The following ATRNL1 variants were observed in gnomAD, a reference collection of about 807,000 sequenced individuals.
ATRNL1 encodes attractin-like protein 1.
ATRNL1 carries 95 observed loss-of-function variants against 182.7 expected under a neutral mutation model. That is an observed-to-expected ratio of 0.52 (90% confidence interval 0.44 to 0.62). The LOEUF (loss-of-function observed/expected upper bound fraction) is 0.62, where lower values mean the gene tolerates loss of function less well. Ranked by LOEUF, ATRNL1 falls within the 20% of genes least tolerant of loss-of-function variation. The pLI is 0.00. For missense variants in ATRNL1, 1,471 were observed against 1,679.5 expected, an observed-to-expected ratio of 0.88 and a Z score of 2.17; for synonymous variants, 576 against 568.3, an observed-to-expected ratio of 1.01 and a Z score of -0.19.
intron 20 of ATRNL1, among the ~76,000 whole-genome samples, chr10:115,424,187 G>A (rs976153125): frequency 6.6e-6 from 1 of 152,044 alleles, no homozygotes; most frequent in African/African-American, 2.4e-5. Context: ...GAAACTCAAC[G>A]TCACTCATCA....
chr10:115,929,000 C>A (rs1345629831), intron 28 of ATRNL1, among the ~76,000 whole-genome samples: 10 of 151,922 alleles, frequency 6.6e-5, no homozygotes, highest in African/African-American at 2.2e-4. Context: ...TTATGTTCTT[C>A]TTTAGTGTTC....
chr10:115,106,870 T>C (rs1240089379), intron 1 of ATRNL1, among the ~76,000 whole-genome samples: 4 of 152,146 alleles, frequency 2.6e-5, no homozygotes, highest in East Asian at 1.9e-4. Flanking sequence ...TAATTTATAA[T>C]GAATAGAGAT....
intron 1 of ATRNL1, among the ~76,000 whole-genome samples, chr10:115,117,751 T>C (rs1844555807): frequency 6.6e-6 from 1 of 152,090 alleles, no homozygotes; most frequent in African/African-American, 2.4e-5. Flanking sequence ...GGTAGCTAAA[T>C]TTTTACTTTT....
chr10:115,430,002 C>T (rs1435192044), intron 21 of ATRNL1, among the ~76,000 whole-genome samples: 1 of 152,118 alleles, frequency 6.6e-6, no homozygotes, highest in Non-Finnish European at 1.5e-5. Context: ...ACCCGGGAGG[C>T]GGAGCTTGCA....
In ATRNL1 at chr10:115,759,140, C is replaced by T. The variant is rs559060393; in HGVS notation, c.3903+31785C>T. ...CTATAATATTGTATTATTTTGTTTA[C>T]GCGGATGCAGGAAGTCTGGGTTAGG... On this transcript the variant is annotated intron_variant, in intron 27 of 28. Transcript: ENST00000355044. 5.3e-5 allele frequency among the ~76,000 whole-genome samples: 8 copies of T among 152,134 alleles called. No individual in the cohort carries two copies. The South Asian group carries it at 1.2e-3, about 24-fold the overall frequency.
At chr10:115,623,818 T>C (rs1857925799) in intron 26 of ATRNL1, among the ~76,000 whole-genome samples, 1 of 152,114 alleles carries the variant, frequency 6.6e-6, no homozygotes, top group Non-Finnish European at 1.5e-5. Flanking sequence ...TTCTTGATTC[T>C]TGTAAAATAA....
chr10:115,449,256 A>G (rs968848603), intron 21 of ATRNL1, among the ~76,000 whole-genome samples: 2 of 152,198 alleles, frequency 1.3e-5, no homozygotes, highest in African/African-American at 2.4e-5. Flanking sequence ...GAGAAGAAGC[A>G]GCCAGACATT....
intron 26 of ATRNL1, among the ~76,000 whole-genome samples, chr10:115,680,129 C>T (rs896075673): frequency 2.0e-5 from 3 of 152,118 alleles, no homozygotes; most frequent in African/African-American, 4.8e-5. Flanking sequence ...GTAACAGCAG[C>T]GCTCTACTCC....
At chr10:115,599,236 CAGTT>C (rs1291208688) in intron 26 of ATRNL1, among the ~76,000 whole-genome samples, 1 of 152,140 alleles carries the variant, frequency 6.6e-6, no homozygotes, top group Admixed American at 6.5e-5. Context: ...CAAATACAGT[CAGTT>C]ATTTTCCTTC....
intron 21 of ATRNL1, among the ~76,000 whole-genome samples, chr10:115,432,100 A>T (rs956090814): frequency 5.3e-5 from 8 of 152,166 alleles, no homozygotes; most frequent in Non-Finnish European, 1.2e-4. Flanking sequence ...AAAATGAGTA[A>T]AATTAATGTT....
At chr10:115,700,280 G>A (rs1946691510) in intron 26 of ATRNL1, among the ~76,000 whole-genome samples, 1 of 152,024 alleles carries the variant, frequency 6.6e-6, no homozygotes, top group African/African-American at 2.4e-5. Flanking sequence ...TTCCACAGTG[G>A]CTGAGCTAAT....
chr10:115,272,639 G>T (rs939871168), intron 13 of ATRNL1, among the ~76,000 whole-genome samples: 1 of 152,162 alleles, frequency 6.6e-6, no homozygotes, highest in African/African-American at 2.4e-5. Context: ...ACCCATAAAT[G>T]CTGGCTGTGA....
At chr10:115,625,267 C>A (rs1234098230) in intron 26 of ATRNL1, among the ~76,000 whole-genome samples, 2 of 151,924 alleles carry the variant, frequency 1.3e-5, no homozygotes, top group Non-Finnish European at 2.9e-5. Flanking sequence ...GCATTTTGTT[C>A]GAAATTGTAT....
chr10:115,511,658 C>T (rs1850392889), intron 24 of ATRNL1, among the ~76,000 whole-genome samples: 1 of 151,884 alleles, frequency 6.6e-6, no homozygotes, highest in Non-Finnish European at 1.5e-5. Context: ...AGCTATTAAT[C>T]TACTTCTCTG....
chr10:115,536,559 C>CT (rs1366071566), intron 25 of ATRNL1, among the ~76,000 whole-genome samples: 1 of 152,226 alleles, frequency 6.6e-6, no homozygotes, highest in African/African-American at 2.4e-5. Flanking sequence ...ACGCCTTGTG[C>CT]TTCCCAAGTG....
intron 2 of ATRNL1, among the ~76,000 whole-genome samples, chr10:115,121,055 A>T (rs1554871422): frequency 6.6e-6 from 1 of 152,218 alleles, no homozygotes; most frequent in Non-Finnish European, 1.5e-5. Flanking sequence ...TTAAGTGTAC[A>T]GTTCCATAAG....
At chr10:115,403,014 G>C (rs1173101370) in intron 20 of ATRNL1, among the ~76,000 whole-genome samples, 1 of 151,886 alleles carries the variant, frequency 6.6e-6, no homozygotes, top group Non-Finnish European at 1.5e-5. Flanking sequence ...TTCCTCCTTG[G>C]CTTACCTTTA....
At chr10:115,150,726 GT>G (rs1161556000) in intron 5 of ATRNL1, among the ~76,000 whole-genome samples, 1 of 151,776 alleles carries the variant, frequency 6.6e-6, no homozygotes, top group African/African-American at 2.4e-5. Context: ...TTTTTTTGAA[GT>G]TTTTTTATTA....
chr10:115,170,189 A>G (rs1808002511), intron 7 of ATRNL1, among the ~76,000 whole-genome samples: 1 of 152,186 alleles, frequency 6.6e-6, no homozygotes, highest in African/African-American at 2.4e-5. Context: ...AAAAGCAGGC[A>G]TGCTTATCTT....
Sources: allele counts gnomAD v4.1 joint callset (sites outside exome capture counted in the v4.1 genomes callset), GRCh38; gene constraint gnomAD v4.1.1; transcripts MANE v1.5; gene names NCBI Gene and HGNC (gene_info 2026-07-23, HGNC 2026-07-21).